G3BP2: variants seen among roughly 807,000 people sequenced by gnomAD.
G3BP2 encodes G3BP stress granule assembly factor 2, also known as ras GTPase-activating protein-binding protein 2.
Under a neutral mutation model 56.7 loss-of-function variants are expected in G3BP2, and 11 were observed. The ratio of observed to expected loss-of-function variants is 0.19; its 90% CI spans 0.12 to 0.32. The LOEUF is 0.32. Ranked by LOEUF, G3BP2 falls within the 10% of genes least tolerant of loss-of-function variation. The pLI is 1.00. For synonymous variants in G3BP2, 165 were observed against 191.6 expected (o/e 0.86, Z 1.15); for missense variants, 340 against 610.9 (o/e 0.56, Z 4.67).
intron 3 of G3BP2, among the ~76,000 whole-genome samples, chr4:75,658,357 G>A (rs1040375296): frequency 6.6e-6 from 1 of 151,228 alleles, no homozygotes; most frequent in African/African-American, 2.4e-5. Context: ...TTGTCAAACT[G>A]AACAACTATT....
Position 75,653,600 on chromosome 4 carries a change from A to C in G3BP2, c.825+383T>G, listed in dbSNP as rs570412091. Among the ~76,000 whole-genome samples, 41 of 151,146 alleles carry C rather than the reference A, an allele frequency of 2.7e-4. No individual in the cohort carries two copies. In the East Asian group the frequency reaches 6.2e-3, roughly 23 times the overall value. Reference sequence around the variant, plus strand: ...TTTTTTTTTTGCTTTAAAAAAAAAAAAAAAAACAAAAACGATTCTTTATTA... The same window carrying C: ...TTTTTTTTTTGCTTTAAAAAAAAAACAAAAAACAAAAACGATTCTTTATTA... On this transcript the variant is annotated intron_variant, in intron 8 of 11. Coordinates refer to ENST00000359707, the MANE Select transcript of G3BP2 (RefSeq NM_203505.3).
chr4:75,687,192 T>C (rs1431662891), intron 3 of G3BP2, among the ~76,000 whole-genome samples: 4 of 152,260 alleles, frequency 2.6e-5, no homozygotes, highest in South Asian at 2.1e-4. Context: ...ATAATTCCTA[T>C]GGGTTGTGGA....
intron 7 of G3BP2, among the ~76,000 whole-genome samples, chr4:75,654,305 C>T (rs542166967): frequency 5.3e-5 from 8 of 152,280 alleles, no homozygotes; most frequent in African/African-American, 1.9e-4. Context: ...TAAGTAAAAC[C>T]ATAAGCAAGT....
chr4:75,718,963 A>G (rs1045007473), intron 3 of G3BP2, among the ~76,000 whole-genome samples: 2 of 152,230 alleles, frequency 1.3e-5, no homozygotes, highest in African/African-American at 4.8e-5. Flanking sequence ...GATACCCCAG[A>G]TTAAGCCTCA....
intron 3 of G3BP2, among the ~76,000 whole-genome samples, chr4:75,703,201 A>G (rs950965007): frequency 6.6e-6 from 1 of 152,178 alleles, no homozygotes; most frequent in Non-Finnish European, 1.5e-5. Flanking sequence ...GACAGTTAAC[A>G]TTTCTTCTTA....
chr4:75,678,777 CTCA>C (rs1733971234), intron 3 of G3BP2, among the ~76,000 whole-genome samples: 1 of 152,172 alleles, frequency 6.6e-6, no homozygotes, highest in Non-Finnish European at 1.5e-5. Flanking sequence ...CTCAGTGTTT[CTCA>C]TCTGTAAAAT....
upstream of G3BP2, among the ~76,000 whole-genome samples, chr4:75,674,966 G>A (rs566869150): frequency 2.0e-5 from 3 of 151,840 alleles, no homozygotes; most frequent in East Asian, 1.9e-4. Flanking sequence ...CTCGTGATCC[G>A]CCCGCCTTGG....
At chr4:75,722,509 T>C (rs1317854296) in intron 1 of G3BP2, among the ~76,000 whole-genome samples, 1 of 152,132 alleles carries the variant, frequency 6.6e-6, no homozygotes. Flanking sequence ...TCATTCCTGA[T>C]GATGGGGTAG....
intron 2 of G3BP2, chr4:75,661,425 G>C (rs973636032): frequency 2.0e-5 from 3 of 150,670 alleles, no homozygotes; most frequent in African/African-American, 7.3e-5. Context: ...GAGCCACTGT[G>C]TCCAGCCTCA....
chr4:75,676,031 G>GA (rs1375962732), upstream of G3BP2, among the ~76,000 whole-genome samples: 1 of 152,086 alleles, frequency 6.6e-6, no homozygotes, highest in Non-Finnish European at 1.5e-5. Flanking sequence ...GAGTTAATGG[G>GA]AAAAAAGATT....
chr4:75,671,257 A>G (rs540121805), intron 1 of G3BP2, among the ~76,000 whole-genome samples: 1 of 152,204 alleles, frequency 6.6e-6, no homozygotes, highest in Non-Finnish European at 1.5e-5. Context: ...ATTGAAAAGG[A>G]GTCATTCACT....
chr4:75,667,089 C>A (rs1733096515), intron 1 of G3BP2, among the ~76,000 whole-genome samples: 1 of 151,884 alleles, frequency 6.6e-6, no homozygotes, highest in Admixed American at 6.6e-5. Context: ...GTGTTTGAGA[C>A]CAGCCCAGGC....
chr4:75,668,183 G>C (rs1319558883), intron 1 of G3BP2, among the ~76,000 whole-genome samples: 3 of 152,158 alleles, frequency 2.0e-5, no homozygotes, highest in African/African-American at 4.8e-5. Context: ...AGCATTGGTA[G>C]ACATACATGC....
rs1242210020 is a variant in G3BP2 at position 75,646,428 on chromosome 4, G to A, written c.1086C>T (p.Ile362=). 4.3e-6 allele frequency: 7 copies of A among 1,610,744 alleles called. No homozygotes were observed. Among genetic ancestry groups the A allele is most frequent in the Non-Finnish European group, 5.9e-6 (7 of 1,177,656 alleles). ...MSFGNVVELR[I]NTKGVGGKLP... is the part of the protein sequence containing the mutation. ...GCTTTCCCCCAACACCCTTGGTATT[G>A]ATGCGAAGTTCCACAACGTTTCCAA... is the stretch of plus-strand genomic sequence containing the variant. The change falls in exon 11 of 12, where the codon ATC becomes ATT. Residue 362 remains isoleucine (I), a synonymous_variant. Transcript: ENST00000359707.
intron 3 of G3BP2, among the ~76,000 whole-genome samples, chr4:75,680,514 T>C (rs1734030693): frequency 6.6e-6 from 1 of 152,190 alleles, no homozygotes; most frequent in Non-Finnish European, 1.5e-5. Context: ...TGTGTATATG[T>C]GCATGATTCC....
intron 9 of G3BP2, among the ~76,000 whole-genome samples, chr4:75,647,389 T>C (rs762843183): frequency 6.6e-6 from 1 of 152,196 alleles, no homozygotes; most frequent in Non-Finnish European, 1.5e-5. Flanking sequence ...TTCTTCTAGA[T>C]CTACTGGATT....
At chr4:75,723,031 T>C (rs895883888) in intron 1 of G3BP2, among the ~76,000 whole-genome samples, 2 of 152,192 alleles carry the variant, frequency 1.3e-5, no homozygotes, top group South Asian at 4.1e-4. Context: ...ACAGTATCAA[T>C]AACTGCAAAG....
intron 3 of G3BP2, among the ~76,000 whole-genome samples, chr4:75,709,419 C>CAA (rs34603185): frequency 0.29 from 13,704 of 47,010 alleles, 2,958 homozygotes; most frequent in African/African-American, 0.44. Flanking sequence ...GACTCCGTCT[C>CAA]AAAAAAAAAA....
At chr4:75,693,229 G>A (rs1028804161) in intron 3 of G3BP2, among the ~76,000 whole-genome samples, 1 of 152,094 alleles carries the variant, frequency 6.6e-6, no homozygotes, top group African/African-American at 2.4e-5. Flanking sequence ...GGCTGACACA[G>A]TGCGACTCCC....
Sources: allele counts gnomAD v4.1 joint callset (sites outside exome capture counted in the v4.1 genomes callset), GRCh38; gene constraint gnomAD v4.1.1; transcripts MANE v1.5; gene names NCBI Gene and HGNC (gene_info 2026-07-23, HGNC 2026-07-21).